CBL: variants seen among roughly 807,000 people sequenced by gnomAD.
CBL encodes the protein Cbl proto-oncogene.
In CBL, 45 loss-of-function variants were observed where a neutral mutation model predicts 96.9. That is an observed-to-expected ratio of 0.46 (90% CI 0.37 to 0.60). The LOEUF (loss-of-function observed/expected upper bound fraction) is 0.60. Among genes scored for constraint, CBL ranks in the 20% least tolerant of loss-of-function variants. The pLI, the probability that CBL is intolerant of heterozygous loss-of-function variation, is 0.00. For synonymous variants in CBL, 420 were observed against 426.8 expected, an observed-to-expected ratio of 0.98 and a Z score of 0.20; for missense variants, 1,024 against 1,143.5, an observed-to-expected ratio of 0.90 and a Z score of 1.51.
rs925181204 is a variant in CBL, at chr11:119,255,902, T to TA, written c.444-15820dup. On this transcript the variant is annotated intron_variant, in intron 2 of 15. Coordinates refer to ENST00000264033, the MANE Select transcript of CBL (RefSeq NM_005188.4). ...GCCCATTTCCCCTTAATTTATACTT[T>TA]AAAAAAAAAAAAAGTAGAGGCAGGG... Among the ~76,000 whole-genome samples the TA allele has an allele frequency of 9.7e-4, 141 of 144,900 alleles. 1 individual carries two copies. The highest frequency in any genetic ancestry group is 3.5e-3 in the Middle Eastern group (1 of 286).
chr11:119,223,051 G>A (rs939338114), intron 1 of CBL, among the ~76,000 whole-genome samples: 1 of 151,928 alleles, frequency 6.6e-6, no homozygotes, highest in Non-Finnish European at 1.5e-5. Flanking sequence ...GTGGTGGCGT[G>A]TACCTGTAGT....
chr11:119,299,358 C>T (rs1950083984), intron 15 of CBL, 137 bp from the exon 16 acceptor site: 1 of 778,644 alleles, frequency 1.3e-6, no homozygotes, highest in African/African-American at 1.7e-5. Context: ...CCTGTAAAAC[C>T]CAGCCTTGTG....
chr11:119,235,744 T>C (rs1206560744), intron 2 of CBL, among the ~76,000 whole-genome samples: 1 of 152,202 alleles, frequency 6.6e-6, no homozygotes, highest in Admixed American at 6.5e-5. Flanking sequence ...TAATTTGCCG[T>C]TACCAAATGA....
chr11:119,265,755 G>T (rs1949797434), intron 2 of CBL, among the ~76,000 whole-genome samples: 1 of 152,114 alleles, frequency 6.6e-6, no homozygotes, highest in Non-Finnish European at 1.5e-5. Flanking sequence ...GGGCGCAGTG[G>T]CTCACGCCTG....
intron 1 of CBL, among the ~76,000 whole-genome samples, chr11:119,228,563 A>G (rs906252209): frequency 6.6e-6 from 1 of 150,730 alleles, no homozygotes; most frequent in African/African-American, 2.4e-5. Flanking sequence ...CTGAGATCGC[A>G]CCATTGCACT....
intron 1 of CBL, among the ~76,000 whole-genome samples, chr11:119,213,780 C>T (rs992782570): frequency 6.6e-6 from 1 of 151,898 alleles, no homozygotes; most frequent in African/African-American, 2.4e-5. Flanking sequence ...AATCATAGCT[C>T]ACTGCATCCT....
intron 1 of CBL, among the ~76,000 whole-genome samples, chr11:119,216,337 G>A (rs1333122698): frequency 3.6e-5 from 5 of 138,770 alleles, no homozygotes; most frequent in African/African-American, 8.4e-5. Flanking sequence ...TGGACTTATT[G>A]TAATTTATTT....
intron 9 of CBL, among the ~76,000 whole-genome samples, chr11:119,281,991 A>G (rs1453764050): frequency 2.0e-5 from 3 of 152,110 alleles, no homozygotes; most frequent in Non-Finnish European, 4.4e-5. Context: ...CTTATTTTCC[A>G]TTTATAAATT....
intron 1 of CBL, among the ~76,000 whole-genome samples, chr11:119,231,120 AG>A (rs1949498843): frequency 6.6e-6 from 1 of 152,122 alleles, no homozygotes; most frequent in Non-Finnish European, 1.5e-5. Flanking sequence ...CTCAAACCCC[AG>A]GTTGGGTGCG....
intron 2 of CBL, among the ~76,000 whole-genome samples, chr11:119,252,488 A>G (rs897299805): frequency 6.6e-6 from 1 of 152,192 alleles, no homozygotes; most frequent in Non-Finnish European, 1.5e-5. Context: ...ATAGCAATCT[A>G]AGTGCTATTG....
At chr11:119,231,567 G>T (rs140635758) in intron 1 of CBL, among the ~76,000 whole-genome samples, 1,848 of 152,084 alleles carry the variant, frequency 0.012, 24 homozygotes, top group African/African-American at 0.042. Context: ...AATTAGCCGG[G>T]CATGGTGGTG....
At chr11:119,230,555 G>A (rs1330972068) in intron 1 of CBL, among the ~76,000 whole-genome samples, 1 of 152,228 alleles carries the variant, frequency 6.6e-6, no homozygotes, top group Non-Finnish European at 1.5e-5. Flanking sequence ...AGAAAACTTA[G>A]AAGACATAGA....
intron 1 of CBL, among the ~76,000 whole-genome samples, chr11:119,225,213 C>T (rs998914249): frequency 1.3e-5 from 2 of 152,072 alleles, no homozygotes; most frequent in Non-Finnish European, 2.9e-5. Flanking sequence ...TCTCCTGTCT[C>T]AGCCTCCCCA....
In CBL at chr11:119,285,048, C is replaced by T. The variant is rs533554769; in HGVS notation, c.1511C>T (p.Pro504Leu). The T allele has an allele frequency of 4.2e-5, 68 of 1,614,138 alleles. No individual in the cohort carries two copies. Among genetic ancestry groups the T allele is most frequent in the South Asian group, 7.7e-5 (7 of 91,076 alleles). The change falls in exon 10 of 16, where the codon CCG (proline) becomes CTG (leucine). Residue 504 changes from proline (P) to leucine (L), a missense_variant. By Grantham distance (98) the Pro-to-Leu change is moderately conservative. Around this residue, in one of 4 missense-constraint regions of CBL, gnomAD observed 695 missense variants for 661.6 expected, o/e 1.05. Transcript: ENST00000264033. ...GTGCCACCACGACTTGACCTTCTGC[C>T]GCAGCGAGTATGTGTTCCCTCAAGT... is the stretch of plus-strand genomic sequence containing the variant. The part of the protein sequence containing the change: ...PPVPPRLDLL[P>L]QRVCVPSSAS...
chr11:119,215,360 A>G (rs1410501379), intron 1 of CBL, among the ~76,000 whole-genome samples: 1 of 152,064 alleles, frequency 6.6e-6, no homozygotes, highest in Non-Finnish European at 1.5e-5. Flanking sequence ...GTGATAAGTA[A>G]TTTCCCTAAT....
At chr11:119,249,089 G>A (rs777663918) in intron 2 of CBL, among the ~76,000 whole-genome samples, 8 of 152,112 alleles carry the variant, frequency 5.3e-5, no homozygotes, top group Non-Finnish European at 1.2e-4. Flanking sequence ...GTTCTTCTAG[G>A]TACATACCCC....
chr11:119,274,921 T>G lies in CBL; in HGVS notation c.837T>G (p.Ala279=). Residue 279 remains alanine, a synonymous_variant, in exon 5 of 16, where the codon GCT becomes GCG. Coordinates refer to ENST00000264033, the MANE Select transcript of CBL (RefSeq NM_005188.4). ...MAFLTYDEVK[A]RLQKFIHKPG... ...TTTTGACGTATGACGAAGTGAAAGC[T>G]CGGCTCCAGAAATTCATTCACAAAC... 6.2e-7 allele frequency: 1 copy of G among 1,614,138 alleles called. No homozygotes were observed. Among genetic ancestry groups the G allele is most frequent in the South Asian group, 1.1e-5 (1 of 91,082 alleles).
At chr11:119,225,644 C>T (rs571570953) in intron 1 of CBL, among the ~76,000 whole-genome samples, 2 of 152,106 alleles carry the variant, frequency 1.3e-5, no homozygotes, top group African/African-American at 2.4e-5. Flanking sequence ...AGCGATCTGC[C>T]CACCTCAGCG....
At chr11:119,296,887 C>G (rs1292431091) in intron 12 of CBL, 31 bp from the exon 13 acceptor site, 1 of 1,121,492 alleles carries the variant, frequency 8.9e-7, no homozygotes, top group African/African-American at 1.5e-5. Flanking sequence ...TTTGTTACTT[C>G]TTTTTCTATT....
Sources: gnomAD v4.1 joint callset for allele counts (sites outside exome capture counted in the v4.1 genomes callset) on GRCh38, gnomAD v4.1.1 for gene constraint, gnomAD v4.1.1 regional missense constraint, MANE v1.5 for transcripts, NCBI Gene and HGNC (gene_info 2026-07-23, HGNC 2026-07-21) for gene names.